Variants in CDH13 observed in about 807,000 individuals in gnomAD.
The protein encoded by CDH13 is cadherin 13.
Under a neutral mutation model 63.8 loss-of-function variants are expected in CDH13, and 24 were observed. The observed-to-expected ratio is 0.38, with a 90% CI of 0.27 to 0.53. CDH13 has a LOEUF of 0.53. CDH13 is among the 20% of genes least tolerant of loss of function. The pLI is 0.85. For synonymous variants in CDH13, 503 were observed against 355.3 expected (o/e 1.42, Z -4.67); for missense variants, 1,049 against 903.1 (o/e 1.16, Z -2.07).
At chr16:82,917,342 C>G (rs1273616754) in intron 2 of CDH13, among the ~76,000 whole-genome samples, 1 of 152,124 alleles carries the variant, frequency 6.6e-6, no homozygotes, top group Non-Finnish European at 1.5e-5. Context: ...AAGAACATTT[C>G]AACTCAGGTT....
At chr16:83,285,520 C>T (rs942918650) in intron 5 of CDH13, among the ~76,000 whole-genome samples, 1 of 151,586 alleles carries the variant, frequency 6.6e-6, no homozygotes, top group Non-Finnish European at 1.5e-5. Context: ...GAAAAAAAAA[C>T]AGTAAAAATA....
rs542711484 is a variant in CDH13, at chr16:82,885,512, T to C, written c.157+27039T>C. 1.0e-4 allele frequency among the ~76,000 whole-genome samples: 14 copies of C among 140,382 alleles called. 1 individual carries two copies. In the East Asian group the frequency reaches 2.6e-3, roughly 26 times the overall value. The allele number at this position is 140,382 out of a possible 152,430, so 92.1% of individuals were successfully genotyped here. ...CCATCCATCCATCCACCCATCCATCTATCCATTCATCCATCCATCCATCCA... is the reference window on the plus strand; with the variant it reads ...CCATCCATCCATCCACCCATCCATCCATCCATTCATCCATCCATCCATCCA... On this transcript the variant is annotated intron_variant, in intron 2 of 13. Coordinates refer to ENST00000567109, the MANE Select transcript of CDH13 (RefSeq NM_001257.5).
At chr16:83,022,467 A>C (rs1490263181) in intron 2 of CDH13, among the ~76,000 whole-genome samples, 1 of 152,240 alleles carries the variant, frequency 6.6e-6, no homozygotes, top group African/African-American at 2.4e-5. Context: ...TTGCAAGCCA[A>C]CTGAAGGCAC....
intron 6 of CDH13, among the ~76,000 whole-genome samples, chr16:83,393,954 G>T (rs1022093243): frequency 6.6e-6 from 1 of 152,144 alleles, no homozygotes; most frequent in African/African-American, 2.4e-5. Flanking sequence ...CAGGAACATG[G>T]ATGGACCTGG....
At chr16:82,963,256 G>A (rs1033890423) in intron 2 of CDH13, among the ~76,000 whole-genome samples, 3 of 151,926 alleles carry the variant, frequency 2.0e-5, no homozygotes, top group African/African-American at 7.3e-5. Context: ...GTGGGCACCT[G>A]TAATCCCAGC....
At chr16:83,472,487 T>A (rs1341817339) in intron 6 of CDH13, among the ~76,000 whole-genome samples, 1 of 152,264 alleles carries the variant, frequency 6.6e-6, no homozygotes, top group Middle Eastern at 3.4e-3. Flanking sequence ...GGGAGCTGGC[T>A]TGTAGCAGAG....
intron 11 of CDH13, among the ~76,000 whole-genome samples, chr16:83,756,715 A>G (rs1442567279): frequency 6.6e-6 from 1 of 152,250 alleles, no homozygotes; most frequent in Non-Finnish European, 1.5e-5. Flanking sequence ...TTTCATAATG[A>G]TGAAGGGAGG....
chr16:83,646,692 C>CAA (rs199756336), intron 8 of CDH13, among the ~76,000 whole-genome samples: 3 of 72,688 alleles, frequency 4.1e-5, no homozygotes, highest in South Asian at 8.9e-4. Context: ...GACTCCGTCT[C>CAA]AAAAAAAAAA....
chr16:82,905,459 G>GTGTGTGTA (rs1555539184), intron 2 of CDH13, among the ~76,000 whole-genome samples: 55 of 151,522 alleles, frequency 3.6e-4, no homozygotes, highest in African/African-American at 1.0e-3. Context: ...GTGTGTGTGT[G>GTGTGTGTA]TGTGTGTGTA....
intron 3 of CDH13, among the ~76,000 whole-genome samples, chr16:83,059,121 G>A (rs1311602155): frequency 1.3e-5 from 2 of 152,058 alleles, no homozygotes; most frequent in Non-Finnish European, 2.9e-5. Context: ...GAGGAAGGAG[G>A]CCAATCAAAA....
chr16:82,817,144 C>T (rs1390557023), intron 1 of CDH13, among the ~76,000 whole-genome samples: 1 of 151,994 alleles, frequency 6.6e-6, no homozygotes, highest in African/African-American at 2.4e-5. Context: ...TCTTGACTCT[C>T]CTTTCATTTC....
At chr16:83,030,409 A>G (rs1232417228) in intron 2 of CDH13, among the ~76,000 whole-genome samples, 1 of 152,010 alleles carries the variant, frequency 6.6e-6, no homozygotes, top group African/African-American at 2.4e-5. Flanking sequence ...CTGTAATCCC[A>G]GTTCTTTGGG....
At chr16:83,529,102 T>C (rs1007893213) in intron 7 of CDH13, among the ~76,000 whole-genome samples, 10 of 151,778 alleles carry the variant, frequency 6.6e-5, no homozygotes, top group African/African-American at 9.7e-5. Context: ...TTTTTTTTTT[T>C]TTTTTCTTTT....
chr16:82,692,193 G>A (rs140198950), intron 1 of CDH13, among the ~76,000 whole-genome samples: 97 of 152,324 alleles, frequency 6.4e-4, no homozygotes, highest in African/African-American at 2.3e-3. Flanking sequence ...AGGCAGAGAA[G>A]CTGGGATAGT....
rs115270862 is a variant in CDH13 at position 83,754,908 on chromosome 16, C to T, written c.1681+6658C>T. 7.9e-3 allele frequency among the ~76,000 whole-genome samples: 1,209 copies of T among 152,242 alleles called. 10 individuals carry two copies. The highest frequency in any genetic ancestry group is 0.028 in the African/African-American group (1,160 of 41,522). On this transcript the variant is annotated intron_variant, in intron 11 of 13. Transcript: ENST00000567109. The stretch of plus-strand genomic sequence containing the variant: ...GGGAAAAACTCATAGCACCATATGT[C>T]ATCTGGAGCCTCTCCAATCTTTTTT...
At chr16:83,472,382 A>G (rs1381797136) in intron 6 of CDH13, among the ~76,000 whole-genome samples, 1 of 152,216 alleles carries the variant, frequency 6.6e-6, no homozygotes, top group Non-Finnish European at 1.5e-5. Context: ...ACAAAGGGGA[A>G]TTGATGAATA....
chr16:83,594,055 A>T lies in CDH13; in HGVS notation c.961-8399A>T, dbSNP rs140105748. On this transcript the variant is annotated intron_variant, in intron 7 of 13. Transcript: ENST00000567109. ...ATGGGCACTCACAGAGCTACAAGCA[A>T]TGTGTTCAGAATCTGCTGTCTTGCT... is the stretch of plus-strand genomic sequence containing the variant. 1.0e-3 allele frequency among the ~76,000 whole-genome samples: 154 copies of T among 152,322 alleles called. 2 individuals are homozygous for T. The highest frequency in any genetic ancestry group is 3.4e-3 in the Middle Eastern group (1 of 294).
intron 3 of CDH13, among the ~76,000 whole-genome samples, chr16:83,090,533 C>A (rs888669329): frequency 6.9e-6 from 1 of 145,184 alleles, no homozygotes; most frequent in African/African-American, 2.6e-5. Flanking sequence ...GAGATCGCGT[C>A]ATTGCACTCC....
chr16:83,400,179 A>G (rs1395687325), intron 6 of CDH13, among the ~76,000 whole-genome samples: 3 of 151,666 alleles, frequency 2.0e-5, no homozygotes, highest in African/African-American at 4.8e-5. Flanking sequence ...ACTTAGAGGG[A>G]GTCTTGGGAC....
Sources: allele counts gnomAD v4.1 joint callset (sites outside exome capture counted in the v4.1 genomes callset), GRCh38; gene constraint gnomAD v4.1.1; transcripts MANE v1.5; gene names NCBI Gene and HGNC (gene_info 2026-07-23, HGNC 2026-07-21).